Variants in TASP1 observed in about 807,000 individuals in gnomAD.
TASP1 encodes the protein threonine aspartase 1.
TASP1 carries 16 observed loss-of-function variants against 56.6 expected under a neutral mutation model. The observed-to-expected ratio is 0.28, with a 90% CI of 0.19 to 0.43. TASP1 has a LOEUF of 0.43. Ranked by LOEUF, TASP1 falls within the 20% of genes least tolerant of loss-of-function variation. The pLI, the probability that TASP1 is intolerant of heterozygous loss-of-function variation, is 1.00. For missense variants in TASP1, 393 were observed against 511.6 expected (o/e 0.77, Z 2.24); for synonymous variants, 179 against 184.2 (o/e 0.97, Z 0.23).
At chr20:13,620,928 G>A (rs541619138) in intron 4 of TASP1, among the ~76,000 whole-genome samples, 5 of 152,106 alleles carry the variant, frequency 3.3e-5, no homozygotes, top group Non-Finnish European at 7.4e-5. Context: ...CTGTTTTAAG[G>A]TAATGAATCA....
At chr20:13,136,318 C>G in the TASP1 span, among the ~76,000 whole-genome samples, 19 of 151,864 alleles carry the variant, frequency 1.3e-4, no homozygotes, top group Admixed American at 3.3e-4. Context: ...GGAATTTGGC[C>G]AGGTGTGGTG....
the TASP1 span, among the ~76,000 whole-genome samples, chr20:13,161,177 A>G: frequency 6.6e-6 from 1 of 152,208 alleles, no homozygotes; most frequent in Admixed American, 6.5e-5. Context: ...CATATGTGGG[A>G]AGAGAGAATC....
At chr20:13,110,419 C>T in the TASP1 span, among the ~76,000 whole-genome samples, 4 of 152,184 alleles carry the variant, frequency 2.6e-5, no homozygotes, top group Non-Finnish European at 4.4e-5. Context: ...GGCACAGCAG[C>T]TTGGAGGCTG....
chr20:13,398,600 T>G (rs1335766273), intron 13 of TASP1, among the ~76,000 whole-genome samples: 1 of 152,240 alleles, frequency 6.6e-6, no homozygotes, highest in African/African-American at 2.4e-5. Flanking sequence ...ACAAAAAATA[T>G]GCTGAAACTT....
At chr20:13,378,563 G>A in the TASP1 span, among the ~76,000 whole-genome samples, 3 of 152,150 alleles carry the variant, frequency 2.0e-5, no homozygotes, top group Non-Finnish European at 4.4e-5. Flanking sequence ...GATTTGGGGT[G>A]GAGAGTTCTA....
intron 8 of TASP1, among the ~76,000 whole-genome samples, chr20:13,534,610 T>C (rs1304984827): frequency 1.3e-5 from 2 of 152,098 alleles, no homozygotes; most frequent in African/African-American, 2.4e-5. Flanking sequence ...ATTAAGAAAA[T>C]GGCATTTACA....
In TASP1 at chr20:13,417,496, C is replaced by G. The variant is rs145182108; in HGVS notation, c.1122G>C (p.Thr374=). ...ACATATATCCGACACACATGCTCTC[C>G]GTCGTGTGGCTCCACAGAAATTCCA... ...LLVEFLWSHT[T]ESMCVGYMSA... is the part of the protein sequence containing the mutation. Residue 374 remains threonine (T), a synonymous_variant, in exon 13 of 14, where the codon ACG becomes ACC. Transcript: ENST00000337743. 2.5e-6 allele frequency: 4 copies of G among 1,614,040 alleles called. No homozygotes were observed. Among genetic ancestry groups the G allele is most frequent in the Non-Finnish European group, 3.4e-6 (4 of 1,180,014 alleles).
intron 13 of TASP1, among the ~76,000 whole-genome samples, chr20:13,405,635 C>T (rs1417017446): frequency 1.3e-5 from 2 of 152,086 alleles, no homozygotes; most frequent in African/African-American, 4.8e-5. Flanking sequence ...CAACCTCCGC[C>T]TCCTGGGTTC....
intron 11 of TASP1, among the ~76,000 whole-genome samples, chr20:13,460,578 A>C (rs2044019006): frequency 6.6e-6 from 1 of 152,072 alleles, no homozygotes; most frequent in South Asian, 2.1e-4. Flanking sequence ...ATCTTTTGAA[A>C]CTGCTGATCT....
At chr20:13,304,419 A>G in the TASP1 span, among the ~76,000 whole-genome samples, 1 of 152,058 alleles carries the variant, frequency 6.6e-6, no homozygotes, top group Non-Finnish European at 1.5e-5. Context: ...GCTAAGCTGG[A>G]CCCCATTTTC....
chr20:13,516,734 C>A (rs8117473), intron 10 of TASP1, among the ~76,000 whole-genome samples: 89 of 143,970 alleles, frequency 6.2e-4, no homozygotes, highest in Non-Finnish European at 1.1e-3. Flanking sequence ...CACAAAACAA[C>A]AACAAAGCAA....
chr20:13,609,967 GAACA>G (rs1317421981), intron 4 of TASP1, among the ~76,000 whole-genome samples: 1 of 152,122 alleles, frequency 6.6e-6, no homozygotes, highest in African/African-American at 2.4e-5. Context: ...GCTACACTGT[GAACA>G]AACTTTAAAA....
At chr20:13,279,967 G>A in the TASP1 span, 1 of 1,460,576 alleles carries the variant, frequency 6.8e-7, no homozygotes. Context: ...TGGACATGGA[G>A]CCAAGCAAAA....
chr20:13,273,933 G>T, the TASP1 span, among the ~76,000 whole-genome samples: 5 of 152,164 alleles, frequency 3.3e-5, no homozygotes, highest in Non-Finnish European at 7.3e-5. Context: ...TAAAATTGTG[G>T]TGCGTTTCTG....
Position 13,582,782 on chromosome 20 carries a change from C to T in TASP1, c.404-1801G>A, listed in dbSNP as rs753636166. 3.2e-4 allele frequency among the ~76,000 whole-genome samples: 49 copies of T among 152,226 alleles called. 1 individual carries two copies. Among genetic ancestry groups the T allele is most frequent in the Non-Finnish European group, 5.3e-4 (36 of 68,008 alleles). ...CTACTTTGTAACTGTTCCAGTTAAC[C>T]GGTTTATTGCTTCTCAGCTACAAAT... On this transcript the variant is annotated intron_variant, in intron 5 of 13. Coordinates refer to ENST00000337743, the MANE Select transcript of TASP1 (RefSeq NM_017714.3).
the TASP1 span, among the ~76,000 whole-genome samples, chr20:13,251,190 G>A: frequency 6.6e-6 from 1 of 152,144 alleles, no homozygotes; most frequent in Non-Finnish European, 1.5e-5. Context: ...TGAATGGTGA[G>A]CACTTGTCCT....
At chr20:13,449,901 T>C (rs896147463) in intron 11 of TASP1, among the ~76,000 whole-genome samples, 3 of 152,090 alleles carry the variant, frequency 2.0e-5, no homozygotes, top group Non-Finnish European at 4.4e-5. Context: ...AATTCAATTG[T>C]ACAACATATC....
the TASP1 span, among the ~76,000 whole-genome samples, chr20:13,248,656 A>G: frequency 3.3e-4 from 50 of 152,220 alleles, no homozygotes; most frequent in South Asian, 2.7e-3. Flanking sequence ...CTTTCAGTTC[A>G]CTTCTTTTCG....
chr20:13,222,127 G>C, the TASP1 span, among the ~76,000 whole-genome samples: 27,560 of 152,144 alleles, frequency 0.18, 3,751 homozygotes, highest in East Asian at 0.49. Context: ...CCAGGTCTGC[G>C]GGCTGCGCTC....
Sources: allele counts gnomAD v4.1 joint callset (sites outside exome capture counted in the v4.1 genomes callset), GRCh38; gene constraint gnomAD v4.1.1; transcripts MANE v1.5; gene names NCBI Gene and HGNC (gene_info 2026-07-23, HGNC 2026-07-21).